CACNA1C: variants seen among roughly 807,000 people sequenced by gnomAD.
CACNA1C encodes calcium voltage-gated channel subunit alpha1 C, also known as voltage-dependent L-type calcium channel subunit alpha-1C.
A neutral mutation model predicts 229.0 loss-of-function variants in CACNA1C; 30 were observed. That is an observed-to-expected ratio of 0.13 (90% CI 0.10 to 0.18). CACNA1C has a LOEUF of 0.18. Ranked by LOEUF, CACNA1C falls within the 10% of genes least tolerant of loss-of-function variation. The pLI is 1.00. For missense variants in CACNA1C, 1,658 were observed against 2,845.0 expected (o/e 0.58, Z 9.49); for synonymous variants, 1,114 against 1,132.5 (o/e 0.98, Z 0.33).
intron 1 of CACNA1C, among the ~76,000 whole-genome samples, chr12:2,061,266 G>A (rs2154516442): frequency 6.6e-6 from 1 of 152,196 alleles, no homozygotes; most frequent in South Asian, 2.1e-4. Context: ...CTCCCCATCA[G>A]CGAGCAGAGC....
Position 1,989,105 on chromosome 12 carries a change from T to C in CACNA1C, c.139+17904T>C, listed in dbSNP as rs111974657. On this transcript the variant is annotated intron_variant, in intron 1 of 46. Transcript: ENST00000682462. ...CTAGCTCTGAAATATCCCTGTCAGC[T>C]GGGCATGGTGGCTCCCGCCTGTAAT... Among the ~76,000 whole-genome samples, 7 of 152,356 alleles carry C rather than the reference T, an allele frequency of 4.6e-5. 1 individual carries two copies. Among genetic ancestry groups the C allele is most frequent in the African/African-American group, 1.7e-4 (7 of 41,588 alleles).
At chr12:2,015,896 G>A (rs2045281927) in intron 1 of CACNA1C, among the ~76,000 whole-genome samples, 1 of 152,174 alleles carries the variant, frequency 6.6e-6, no homozygotes, top group African/African-American at 2.4e-5. Context: ...GATTATTTTT[G>A]AGGATTAAAC....
At chr12:2,086,181 C>G (rs1313368096) in intron 1 of CACNA1C, among the ~76,000 whole-genome samples, 1 of 152,220 alleles carries the variant, frequency 6.6e-6, no homozygotes, top group Non-Finnish European at 1.5e-5. Context: ...TGCCTGTGCT[C>G]TGTTTACCAC....
At position 2,395,809 on chromosome 12, in the gene CACNA1C, T is replaced by TTAGCACAGA. The variant is rs2098557715; in HGVS notation, c.478-53165_478-53157dup. ...CCCGACTTTCTCTTTTGCATTGACA[T>TTAGCACAGA]TAGCACAGATCTGAGCCACATGAGT... is the stretch of plus-strand genomic sequence containing the variant. On this transcript the variant is annotated intron_variant, in intron 3 of 46. Coordinates refer to ENST00000399655, the MANE Select transcript of CACNA1C (RefSeq NM_000719.7). Among the ~76,000 whole-genome samples the TTAGCACAGA allele has an allele frequency of 2.0e-5, 3 of 152,326 alleles. No individual in the cohort carries two copies. In the South Asian group the frequency reaches 6.2e-4, roughly 32 times the overall value.
At chr12:2,559,602 T>C (rs770454448) in intron 11 of CACNA1C, among the ~76,000 whole-genome samples, 19 of 152,242 alleles carry the variant, frequency 1.2e-4, no homozygotes, top group Non-Finnish European at 1.5e-5. Flanking sequence ...GGCTTACAGC[T>C]AGTAGATTGG....
chr12:2,607,763 A>G (rs991158796), intron 26 of CACNA1C: 16 of 152,414 alleles, frequency 1.0e-4, no homozygotes, highest in African/African-American at 3.8e-4. Context: ...CTTTTCCCCC[A>G]ATATGTATTC....
intron 3 of CACNA1C, among the ~76,000 whole-genome samples, chr12:2,391,082 AC>A (rs2098471897): frequency 6.6e-6 from 1 of 152,210 alleles, no homozygotes; most frequent in African/African-American, 2.4e-5. Flanking sequence ...GCAGTGACTG[AC>A]GTGGAAGGTG....
chr12:2,297,969 T>C (rs1204912237), intron 3 of CACNA1C, among the ~76,000 whole-genome samples: 2 of 152,192 alleles, frequency 1.3e-5, no homozygotes, highest in Non-Finnish European at 2.9e-5. Context: ...TTTTTCTGTT[T>C]CAGAGGACCT....
chr12:2,260,475 TAAAAAAA>T (rs549203538), intron 3 of CACNA1C, among the ~76,000 whole-genome samples: 50 of 100,986 alleles, frequency 5.0e-4, no homozygotes, highest in Middle Eastern at 5.3e-3. Context: ...CTGTCTCTAT[TAAAAAAA>T]AAAAAAAAAA....
At chr12:2,027,777 T>C in intron 1 of CACNA1C, among the ~76,000 whole-genome samples, 1 of 152,204 alleles carries the variant, frequency 6.6e-6, no homozygotes, top group Non-Finnish European at 1.5e-5. Flanking sequence ...CCAGAGGAAA[T>C]ATCAGTATGA....
intron 1 of CACNA1C, among the ~76,000 whole-genome samples, chr12:1,976,526 C>T (rs2034413846): frequency 6.6e-6 from 1 of 152,144 alleles, no homozygotes; most frequent in Admixed American, 6.5e-5. Context: ...GGCTCCCATT[C>T]CTCACTGCTC....
chr12:2,666,148 C>T lies in CACNA1C; in HGVS notation c.4526+440C>T, dbSNP rs936810438. Among the ~76,000 whole-genome samples, 16 of 152,102 alleles carry T rather than the reference C, an allele frequency of 1.1e-4. No homozygotes were observed. Among genetic ancestry groups the T allele is most frequent in the Non-Finnish European group, 2.9e-5 (2 of 68,024 alleles). ...AGGTTGCAGCGAGCTGAGATCACAC[C>T]ACTGCACTCCAGCCTGGGCGACAGA... On this transcript the variant is annotated intron_variant, in intron 36 of 46. Coordinates refer to ENST00000399655, the MANE Select transcript of CACNA1C (RefSeq NM_000719.7). The surrounding 1 kb of genome is among the most constrained non-coding windows in gnomAD (Gnocchi z 5.3).
intron 3 of CACNA1C, among the ~76,000 whole-genome samples, chr12:2,204,667 A>G (rs1283417385): frequency 6.6e-6 from 1 of 150,762 alleles, no homozygotes; most frequent in Admixed American, 6.6e-5. Context: ...ATTGGAAATC[A>G]TCATTCTCAG....
At chr12:2,060,987 A>T (rs1263341147) in intron 1 of CACNA1C, among the ~76,000 whole-genome samples, 1 of 152,238 alleles carries the variant, frequency 6.6e-6, no homozygotes, top group Non-Finnish European at 1.5e-5. Context: ...CGTTGGGCTA[A>T]AACCTTTCAA....
At chr12:2,340,220 CTG>C (rs1593312659) in intron 3 of CACNA1C, among the ~76,000 whole-genome samples, 1 of 152,288 alleles carries the variant, frequency 6.6e-6, no homozygotes, top group East Asian at 1.9e-4. Flanking sequence ...AAATAAATAA[CTG>C]TATTCTATAT....
chr12:2,621,010 C>T (rs2082954301), intron 29 of CACNA1C, among the ~76,000 whole-genome samples: 1 of 152,240 alleles, frequency 6.6e-6, no homozygotes, highest in Non-Finnish European at 1.5e-5. Flanking sequence ...CCATACAAGT[C>T]TCCTTGTTTC....
intron 28 of CACNA1C, 91 bp downstream of exon 28, chr12:2,610,790 C>A: frequency 1.5e-6 from 2 of 1,292,632 alleles, no homozygotes; most frequent in South Asian, 1.3e-5. Flanking sequence ...CAGCTCAGTG[C>A]ATCGCTTTCC....
In CACNA1C at chr12:2,666,887, A is replaced by G. The variant is rs1485648942; in HGVS notation, c.4623+105A>G. The stretch of plus-strand genomic sequence containing the variant: ...AATGAACATACTAGTTTATGTGCCT[A>G]AAGATTACATTTTAAGGGTCCTTCC... On this transcript the variant is annotated intron_variant, in intron 37 of 46. Transcript: ENST00000399655. The surrounding 1 kb of genome is among the most constrained non-coding windows in gnomAD (Gnocchi z 5.3). 1.4e-6 allele frequency: 1 copy of G among 735,372 alleles called. No individual in the cohort carries two copies. Among genetic ancestry groups the G allele is most frequent in the Admixed American group, 2.0e-5 (1 of 48,876 alleles). The allele number at this position is 735,372 out of a possible 1,614,324, so 45.6% of individuals were successfully genotyped here. A position where few individuals can be genotyped will look rare whatever the true frequency, so the allele number is the denominator to read the frequency against.
At chr12:2,310,352 A>AAAAAAAAATAT (rs201363709) in intron 3 of CACNA1C, among the ~76,000 whole-genome samples, 2 of 139,828 alleles carry the variant, frequency 1.4e-5, no homozygotes, top group African/African-American at 5.3e-5. Context: ...TAAAAAAAAA[A>AAAAAAAAATAT]ATATATATAT....
Sources: allele counts gnomAD v4.1 joint callset (sites outside exome capture counted in the v4.1 genomes callset), GRCh38; gene constraint gnomAD v4.1.1; non-coding constraint Gnocchi (gnomAD v3.1); transcripts MANE v1.5; gene names NCBI Gene and HGNC (gene_info 2026-07-23, HGNC 2026-07-21).